Variants in ASB4 observed in about 807,000 individuals in gnomAD.
ASB4 encodes ankyrin repeat and SOCS box containing 4.
In ASB4, 35 loss-of-function variants were observed where a neutral mutation model predicts 38.6. The ratio of observed to expected loss-of-function variants is 0.91; its 90% CI spans 0.69 to 1.20. The LOEUF (loss-of-function observed/expected upper bound fraction) is 1.20. Ranked by LOEUF, ASB4 falls within the 50% of genes most tolerant of loss-of-function variation. The pLI is 0.00. For synonymous variants in ASB4, 195 were observed against 201.3 expected (o/e 0.97, Z 0.26); for missense variants, 557 against 527.2 (o/e 1.06, Z -0.55).
chr7:95,549,889 A>G, the ASB4 span, among the ~76,000 whole-genome samples: 1 of 152,150 alleles, frequency 6.6e-6, no homozygotes, highest in Non-Finnish European at 1.5e-5. Context: ...GAGTTTGACG[A>G]GCAGGGAGTG....
At chr7:95,524,244 T>A (rs922853175) in intron 2 of ASB4, among the ~76,000 whole-genome samples, 3 of 152,120 alleles carry the variant, frequency 2.0e-5, no homozygotes, top group African/African-American at 7.2e-5. Context: ...CCATCTACAG[T>A]TGAATGGATA....
upstream of ASB4, among the ~76,000 whole-genome samples, chr7:95,485,066 G>A (rs1045043759): frequency 6.7e-6 from 1 of 149,950 alleles, no homozygotes; most frequent in African/African-American, 2.5e-5. Flanking sequence ...GTATATATAT[G>A]TATATACACA....
chr7:95,504,100 C>T (rs993152043), intron 2 of ASB4, among the ~76,000 whole-genome samples: 5 of 152,258 alleles, frequency 3.3e-5, no homozygotes, highest in Admixed American at 6.5e-5. Context: ...TAAAGAGAGT[C>T]GGGGCAGGTT....
Position 95,528,039 on chromosome 7 carries a change from G to T in ASB4, c.714G>T (p.Leu238=), listed in dbSNP as rs757418272. ...AGCACCACCTGGTCTGCCGCATGCT[G>T]CTTGACTACAAAGCCGAAGTCAATG... The part of the protein sequence containing the change: ...STEHHLVCRM[L]LDYKAEVNAR... Residue 238 remains leucine, a synonymous_variant, in exon 3 of 5, where the codon CTG becomes CTT. Coordinates refer to ENST00000325885, the MANE Select transcript of ASB4 (RefSeq NM_016116.3). The T allele has an allele frequency of 6.2e-7, 1 of 1,614,128 alleles. No homozygotes were observed. Among genetic ancestry groups the T allele is most frequent in the Non-Finnish European group, 8.5e-7 (1 of 1,180,034 alleles).
At chr7:95,540,910 T>C (rs1291293937), downstream of ASB4, among the ~76,000 whole-genome samples, 2 of 152,230 alleles carry the variant, frequency 1.3e-5, no homozygotes, top group Non-Finnish European at 2.9e-5. Flanking sequence ...TTATCAATGT[T>C]GGAAAAGACA....
At chr7:95,490,372 T>G (rs1790154156) in intron 1 of ASB4, among the ~76,000 whole-genome samples, 1 of 152,248 alleles carries the variant, frequency 6.6e-6, no homozygotes, top group South Asian at 2.1e-4. Flanking sequence ...TTTTACATTT[T>G]ACACTTCAAA....
intron 2 of ASB4, among the ~76,000 whole-genome samples, chr7:95,522,554 T>C (rs1012163647): frequency 1.3e-5 from 2 of 152,198 alleles, no homozygotes; most frequent in Non-Finnish European, 2.9e-5. Flanking sequence ...TTTTAAAAGA[T>C]TATGTGTAGA....
At chr7:95,484,945 T>C (rs1402640690), upstream of ASB4, among the ~76,000 whole-genome samples, 1 of 147,582 alleles carries the variant, frequency 6.8e-6, no homozygotes, top group Non-Finnish European at 1.5e-5. Context: ...TCTGTTTCTA[T>C]TTACACACAC....
At chr7:95,487,067 T>C (rs1184875764) in intron 1 of ASB4, among the ~76,000 whole-genome samples, 1 of 152,208 alleles carries the variant, frequency 6.6e-6, no homozygotes, top group Non-Finnish European at 1.5e-5. Context: ...ATTTTAATGT[T>C]TAAAAATGAT....
chr7:95,484,525 CT>C (rs1282067381), upstream of ASB4, among the ~76,000 whole-genome samples: 1 of 152,154 alleles, frequency 6.6e-6, no homozygotes, highest in Non-Finnish European at 1.5e-5. Flanking sequence ...ATACCTGTAA[CT>C]TGCCAATTTC....
chr7:95,539,218 T>C lies in ASB4; in HGVS notation c.*1459T>C, dbSNP rs1385780685. 6.6e-6 allele frequency: 1 copy of C among 152,224 alleles called. No homozygotes were observed. Among genetic ancestry groups the C allele is most frequent in the Non-Finnish European group, 1.5e-5 (1 of 68,044 alleles). 9.4% of individuals were successfully genotyped at this position (152,224 alleles called of 1,614,324 possible). On this transcript the variant is annotated 3_prime_UTR_variant, in exon 5 of 5. Transcript: ENST00000325885. ...TGTGTGGTTCTCCATCATATTTAAC[T>C]TTGGATGCTGGAGTGTTGAATAGAG... is the stretch of plus-strand genomic sequence containing the variant.
At position 95,538,016 on chromosome 7, in the gene ASB4, T is replaced by C. The variant is rs1181728698; in HGVS notation, c.*257T>C. On this transcript the variant is annotated 3_prime_UTR_variant, in exon 5 of 5. Transcript: ENST00000325885. ...GTAATAACTAATATGTATAGTGTTCTTACTAAGTACCTGAAATATTTTTGT... is the reference window on the plus strand; with the variant it reads ...GTAATAACTAATATGTATAGTGTTCCTACTAAGTACCTGAAATATTTTTGT... 5 of 346,152 alleles carry C rather than the reference T, an allele frequency of 1.4e-5. No individual in the cohort carries two copies. Among genetic ancestry groups the C allele is most frequent in the African/African-American group, 1.0e-4 (5 of 48,612 alleles). 21.4% of individuals were successfully genotyped at this position (346,152 alleles called of 1,614,324 possible).
chr7:95,481,725 C>T (rs1276887553), upstream of ASB4, among the ~76,000 whole-genome samples: 2 of 152,178 alleles, frequency 1.3e-5, no homozygotes, highest in East Asian at 3.8e-4. Context: ...GGACTTTGTG[C>T]CTGCTGTCTC....
intron 2 of ASB4, among the ~76,000 whole-genome samples, chr7:95,521,981 A>G (rs1275920721): frequency 6.6e-6 from 1 of 152,100 alleles, no homozygotes; most frequent in Non-Finnish European, 1.5e-5. Flanking sequence ...AAATATGGTA[A>G]TAATTAAATT....
intron 2 of ASB4, among the ~76,000 whole-genome samples, chr7:95,508,560 G>T (rs1486992188): frequency 6.6e-6 from 1 of 152,118 alleles, no homozygotes. Flanking sequence ...ATTGAGTTTT[G>T]ATGTTTGCCT....
intron 3 of ASB4, chr7:95,528,647 C>T: frequency 8.2e-7 from 1 of 1,213,032 alleles, no homozygotes; most frequent in Non-Finnish European, 1.0e-6. Context: ...ATCTTTTAAA[C>T]AGAATGACTG....
rs77151416 is a variant in ASB4 at position 95,521,274 on chromosome 7, A to C, written c.488-6539A>C. 6.5e-4 allele frequency among the ~76,000 whole-genome samples: 99 copies of C among 152,258 alleles called. 1 individual carries two copies. Among genetic ancestry groups the C allele is most frequent in the African/African-American group, 2.1e-3 (89 of 41,580 alleles). Reference sequence around the variant, plus strand: ...TAAATAAGAAAAGCCCAACCCAATGAAAAATGGGCAGAAGCTATGAAGAGA... The same window carrying C: ...TAAATAAGAAAAGCCCAACCCAATGCAAAATGGGCAGAAGCTATGAAGAGA... On this transcript the variant is annotated intron_variant, in intron 2 of 4. Transcript: ENST00000325885.
chr7:95,537,151 T>C (rs1484018594), intron 4 of ASB4, among the ~76,000 whole-genome samples: 1 of 152,236 alleles, frequency 6.6e-6, no homozygotes, highest in East Asian at 1.9e-4. Flanking sequence ...CTTGGAGGTC[T>C]GTGGCTTAGG....
chr7:95,535,484 T>G (rs770478902), intron 3 of ASB4, among the ~76,000 whole-genome samples: 3 of 152,090 alleles, frequency 2.0e-5, no homozygotes, highest in African/African-American at 4.8e-5. Context: ...ATGAACAAAT[T>G]TAGAAGAGCA....
Sources: allele counts gnomAD v4.1 joint callset (sites outside exome capture counted in the v4.1 genomes callset), GRCh38; gene constraint gnomAD v4.1.1; transcripts MANE v1.5; gene names NCBI Gene and HGNC (gene_info 2026-07-23, HGNC 2026-07-21).